The following AGBL1 variants were observed in gnomAD, a reference collection of about 807,000 sequenced individuals.
AGBL1 encodes the protein AGBL carboxypeptidase 1.
Under a neutral mutation model 118.9 loss-of-function variants are expected in AGBL1, and 130 were observed. The ratio of observed to expected loss-of-function variants is 1.09; its 90% confidence interval spans 0.95 to 1.26. AGBL1 has a LOEUF of 1.26. Among genes scored for constraint, AGBL1 ranks in the 50% most tolerant of loss-of-function variants. The pLI is 0.00. For missense variants in AGBL1, 1,584 were observed against 1,298.1 expected, an observed-to-expected ratio of 1.22 and a Z score of -3.38; for synonymous variants, 555 against 478.9, an observed-to-expected ratio of 1.16 and a Z score of -2.08.
chr15:86,320,092 C>T (rs376556596), intron 17 of AGBL1, among the ~76,000 whole-genome samples: 2 of 152,006 alleles, frequency 1.3e-5, no homozygotes, highest in African/African-American at 2.4e-5. Flanking sequence ...TGGCCTCTTT[C>T]ACTTCTAAAT....
In AGBL1 at chr15:86,674,311, A is replaced by G; in HGVS notation, c.3033A>G (p.Gly1011=). The change falls in exon 22 of 23, where the codon GGA becomes GGG. Residue 1011 remains glycine (G), a synonymous_variant. Transcript: ENST00000614907. Reference sequence around the variant, plus strand: ...GTACCAGAGAACTGGAGGAGATGGGAGCCATGTTCTGTTTGGGCCTCCTCA... The same window carrying G: ...GTACCAGAGAACTGGAGGAGATGGGGGCCATGTTCTGTTTGGGCCTCCTCA... ...QFGTRELEEM[G]AMFCLGLLIL... 6.2e-7 allele frequency: 1 copy of G among 1,611,986 alleles called. No individual in the cohort carries two copies. Among genetic ancestry groups the G allele is most frequent in the Non-Finnish European group, 8.5e-7 (1 of 1,179,046 alleles).
At chr15:86,438,668 T>G (rs2082026695) in intron 18 of AGBL1, among the ~76,000 whole-genome samples, 1 of 150,610 alleles carries the variant, frequency 6.6e-6, no homozygotes, top group Admixed American at 6.6e-5. Context: ...TTTTTTTTTT[T>G]TTTTTTTTCT....
At chr15:86,306,367 A>C (rs2079840667) in intron 17 of AGBL1, among the ~76,000 whole-genome samples, 1 of 152,102 alleles carries the variant, frequency 6.6e-6, no homozygotes, top group Admixed American at 6.6e-5. Flanking sequence ...TCATGAGTTC[A>C]ATTGATTCGA....
chr15:86,766,201 C>T (rs569497852), intron 22 of AGBL1, among the ~76,000 whole-genome samples: 1 of 151,934 alleles, frequency 6.6e-6, no homozygotes, highest in African/African-American at 2.4e-5. Context: ...TGAGTGGAGC[C>T]AAGAGTCAAA....
intron 22 of AGBL1, among the ~76,000 whole-genome samples, chr15:86,794,336 A>G (rs1303359004): frequency 6.6e-6 from 1 of 152,236 alleles, no homozygotes; most frequent in Non-Finnish European, 1.5e-5. Flanking sequence ...GCTAAGTGAA[A>G]GAAGCCAATC....
chr15:86,269,665 G>A (rs2079126360), intron 13 of AGBL1, among the ~76,000 whole-genome samples: 1 of 152,076 alleles, frequency 6.6e-6, no homozygotes, highest in Admixed American at 6.6e-5. Flanking sequence ...ATCCATAATA[G>A]TTTAAAAAAA....
At chr15:86,555,447 G>A (rs2083720770) in intron 21 of AGBL1, among the ~76,000 whole-genome samples, 1 of 152,110 alleles carries the variant, frequency 6.6e-6, no homozygotes, top group Non-Finnish European at 1.5e-5. Flanking sequence ...GGTGTGACAG[G>A]CAATGCACAT....
At chr15:86,808,204 A>G (rs1226642413) in intron 22 of AGBL1, among the ~76,000 whole-genome samples, 1 of 152,070 alleles carries the variant, frequency 6.6e-6, no homozygotes, top group Non-Finnish European at 1.5e-5. Context: ...ACTGTGGTTG[A>G]CCCCTGGTAT....
intron 5 of AGBL1, among the ~76,000 whole-genome samples, chr15:86,164,154 C>T (rs1405373183): frequency 6.6e-6 from 1 of 152,194 alleles, no homozygotes; most frequent in Non-Finnish European, 1.5e-5. Flanking sequence ...ATTGGAGGGG[C>T]ATGTGGGGAC....
At chr15:86,922,645 T>C (rs929422134) in intron 23 of AGBL1, among the ~76,000 whole-genome samples, 1 of 152,222 alleles carries the variant, frequency 6.6e-6, no homozygotes, top group Non-Finnish European at 1.5e-5. Flanking sequence ...TTCATAATTA[T>C]AGCTATAATT....
At chr15:86,230,133 C>T (rs905899203) in intron 6 of AGBL1, among the ~76,000 whole-genome samples, 1 of 152,164 alleles carries the variant, frequency 6.6e-6, no homozygotes, top group African/African-American at 2.4e-5. Context: ...CTGGCTGGTT[C>T]ACAGGGACAG....
intron 23 of AGBL1, among the ~76,000 whole-genome samples, chr15:86,983,244 T>G (rs1337331985): frequency 6.6e-6 from 1 of 152,182 alleles, no homozygotes; most frequent in East Asian, 1.9e-4. Flanking sequence ...GTTTATCTTT[T>G]CTTATTGATT....
intron 1 of AGBL1, among the ~76,000 whole-genome samples, chr15:86,099,494 A>G (rs1487160018): frequency 1.4e-5 from 2 of 147,698 alleles, no homozygotes; most frequent in Admixed American, 6.7e-5. Flanking sequence ...AGATTATGGT[A>G]TTTTCAAAGG....
intron 21 of AGBL1, among the ~76,000 whole-genome samples, chr15:86,640,386 G>T (rs752555858): frequency 2.0e-5 from 3 of 152,106 alleles, no homozygotes; most frequent in Non-Finnish European, 2.9e-5. Flanking sequence ...ATAGAAATGA[G>T]ATAATAGAAG....
At chr15:86,846,675 G>T (rs899663196) in intron 22 of AGBL1, among the ~76,000 whole-genome samples, 1 of 152,226 alleles carries the variant, frequency 6.6e-6, no homozygotes, top group South Asian at 2.1e-4. Flanking sequence ...GGGTCCACAC[G>T]TGTGCGCCAT....
chr15:86,576,980 T>A (rs2084100571), intron 21 of AGBL1, among the ~76,000 whole-genome samples: 1 of 152,188 alleles, frequency 6.6e-6, no homozygotes, highest in Admixed American at 6.5e-5. Context: ...AGCATGAAAT[T>A]GTACAGTAGA....
At chr15:86,824,175 T>C (rs543766079) in intron 22 of AGBL1, among the ~76,000 whole-genome samples, 4 of 152,020 alleles carry the variant, frequency 2.6e-5, no homozygotes, top group African/African-American at 7.2e-5. Context: ...ATGTAAAACA[T>C]TCCATGGAAT....
intron 18 of AGBL1, among the ~76,000 whole-genome samples, chr15:86,452,475 G>A (rs1318504882): frequency 6.6e-6 from 1 of 152,092 alleles, no homozygotes; most frequent in African/African-American, 2.4e-5. Context: ...AATTACACCA[G>A]GAACTCCTTC....
intron 22 of AGBL1, among the ~76,000 whole-genome samples, chr15:86,894,382 A>G (rs931495159): frequency 2.0e-4 from 31 of 152,172 alleles, no homozygotes; most frequent in African/African-American, 7.0e-4. Flanking sequence ...ATGCCTTAAC[A>G]TATGTATTTC....
Sources: allele counts gnomAD v4.1 joint callset (sites outside exome capture counted in the v4.1 genomes callset), GRCh38; gene constraint gnomAD v4.1.1; transcripts MANE v1.5; gene names NCBI Gene and HGNC (gene_info 2026-07-23, HGNC 2026-07-21).